Variants in RIPOR2 observed in about 807,000 individuals in gnomAD.
RIPOR2 encodes the protein RHO family interacting cell polarization regulator 2, also known as rho family-interacting cell polarization regulator 2.
A neutral mutation model predicts 114.5 loss-of-function variants in RIPOR2; 39 were observed. The observed-to-expected ratio is 0.34, with a 90% CI of 0.26 to 0.44. The LOEUF is 0.44. RIPOR2 is among the 20% of genes least tolerant of loss of function. RIPOR2 has a pLI of 1.00. For missense variants in RIPOR2, 1,007 were observed against 1,255.1 expected (o/e 0.80, Z 2.99); for synonymous variants, 445 against 484.4 (o/e 0.92, Z 1.07).
intron 6 of RIPOR2, among the ~76,000 whole-genome samples, chr6:24,865,728 G>T (rs1410569326): frequency 6.6e-6 from 1 of 152,196 alleles, no homozygotes; most frequent in East Asian, 1.9e-4. Context: ...TGTTTAAAAT[G>T]ACTCCCAGGT....
rs147642031 is a variant in RIPOR2, at chr6:24,933,436, T to C, written c.61+2402A>G. 6.4e-4 allele frequency among the ~76,000 whole-genome samples: 97 copies of C among 152,330 alleles called. 1 individual carries two copies. In the South Asian group the frequency reaches 0.016, roughly 25 times the overall value. On this transcript the variant is annotated intron_variant, in intron 1 of 21. Coordinates refer to ENST00000643898, the MANE Select transcript of RIPOR2 (RefSeq NM_001286445.3). The stretch of plus-strand genomic sequence containing the variant: ...CGTGCAATTCCAGAGCTGAAGCTTT[T>C]GACTGTTACCCCACACAGAGCTTGC...
intron 15 of RIPOR2, among the ~76,000 whole-genome samples, chr6:24,833,930 A>T (rs1487476745): frequency 6.6e-6 from 1 of 152,212 alleles, no homozygotes. Flanking sequence ...GAATTCTCTT[A>T]TGTCTCACAA....
chr6:24,887,423 A>C (rs1315250545), intron 1 of RIPOR2, among the ~76,000 whole-genome samples: 1 of 152,224 alleles, frequency 6.6e-6, no homozygotes, highest in Non-Finnish European at 1.5e-5. Flanking sequence ...TAAGTCACCA[A>C]GGGTGTTTTG....
intron 16 of RIPOR2, 147 bp downstream of exon 16, chr6:24,832,109 C>T: frequency 1.3e-6 from 1 of 768,030 alleles, no homozygotes; most frequent in East Asian, 2.8e-5. Context: ...CATTAATGAG[C>T]CCAATTTGTT....
intron 1 of RIPOR2, among the ~76,000 whole-genome samples, chr6:25,020,467 T>G (rs1336624287): frequency 2.0e-5 from 3 of 152,246 alleles, no homozygotes; most frequent in Non-Finnish European, 4.4e-5. Flanking sequence ...TAAGTCAATG[T>G]GATATTCATC....
At chr6:24,946,440 C>G (rs1230482871) in intron 1 of RIPOR2, among the ~76,000 whole-genome samples, 1 of 151,948 alleles carries the variant, frequency 6.6e-6, no homozygotes, top group East Asian at 1.9e-4. Flanking sequence ...CATTGGAAAC[C>G]TTGTATCCTG....
intron 1 of RIPOR2, among the ~76,000 whole-genome samples, chr6:24,968,212 C>T (rs986419952): frequency 6.6e-6 from 1 of 152,116 alleles, no homozygotes; most frequent in African/African-American, 2.4e-5. Flanking sequence ...AGCCAAGACA[C>T]CAATCTTATA....
At chr6:24,837,415 C>T (rs1408204755) in intron 14 of RIPOR2, among the ~76,000 whole-genome samples, 2 of 150,904 alleles carry the variant, frequency 1.3e-5, no homozygotes, top group Admixed American at 1.3e-4. Context: ...CCACCACTCC[C>T]GGCCTTATTT....
intron 19 of RIPOR2, among the ~76,000 whole-genome samples, chr6:24,820,246 T>A (rs1031395612): frequency 2.2e-4 from 33 of 152,236 alleles, no homozygotes; most frequent in African/African-American, 7.9e-4. Flanking sequence ...TTGGCCAGGC[T>A]GATCTCAAAC....
intron 1 of RIPOR2, among the ~76,000 whole-genome samples, chr6:24,930,694 A>G (rs1771320504): frequency 6.6e-6 from 1 of 152,232 alleles, no homozygotes; most frequent in East Asian, 1.9e-4. Flanking sequence ...ACCCTGGGAC[A>G]AATAAAGTAG....
rs915823414 is a variant in RIPOR2 at position 24,925,425 on chromosome 6, T to A, written c.61+10413A>T. 2.0e-5 allele frequency among the ~76,000 whole-genome samples: 3 copies of A among 152,144 alleles called. No homozygotes were observed. The South Asian group carries it at 6.2e-4, about 31-fold the overall frequency. On this transcript the variant is annotated intron_variant, in intron 1 of 21. Coordinates refer to ENST00000643898, the MANE Select transcript of RIPOR2 (RefSeq NM_001286445.3). ...AAGTGTAGAGAATTTAGGTTCAGGC[T>A]GGGCGCGGTGGGTCATGCCTGTAAT... is the stretch of plus-strand genomic sequence containing the variant.
intron 1 of RIPOR2, among the ~76,000 whole-genome samples, chr6:25,031,738 T>TCC (rs1776973923): frequency 1.1e-4 from 9 of 84,674 alleles, no homozygotes; most frequent in Non-Finnish European, 1.7e-4. Context: ...TATATATATA[T>TCC]ATATATATAT....
chr6:25,007,996 A>G (rs1311262962), intron 1 of RIPOR2, among the ~76,000 whole-genome samples: 1 of 152,184 alleles, frequency 6.6e-6, no homozygotes, highest in Non-Finnish European at 1.5e-5. Context: ...TGAAAATGTC[A>G]AATGGAACTG....
chr6:24,915,157 G>A (rs1224886838), intron 1 of RIPOR2, among the ~76,000 whole-genome samples: 2 of 152,086 alleles, frequency 1.3e-5, no homozygotes, highest in African/African-American at 2.4e-5. Context: ...TAACAGCCTT[G>A]AAGGTCTTTA....
intron 1 of RIPOR2, among the ~76,000 whole-genome samples, chr6:25,012,657 T>C (rs1429927355): frequency 6.6e-6 from 1 of 152,228 alleles, no homozygotes; most frequent in Non-Finnish European, 1.5e-5. Flanking sequence ...ATCCTATTTA[T>C]ATAAAATATC....
At chr6:24,945,840 A>T (rs1772376583) in intron 1 of RIPOR2, among the ~76,000 whole-genome samples, 1 of 152,082 alleles carries the variant, frequency 6.6e-6, no homozygotes, top group Non-Finnish European at 1.5e-5. Context: ...TCTATAAAAA[A>T]TTTCTTTTAT....
intron 1 of RIPOR2, among the ~76,000 whole-genome samples, chr6:25,005,740 T>TATATATATACACAC (rs1491374316): frequency 9.6e-6 from 1 of 104,510 alleles, no homozygotes; most frequent in Non-Finnish European, 2.0e-5. Context: ...TATATATATA[T>TATATATATACACAC]ACATTTACCG....
chr6:24,847,213 A>G (rs1762399416), intron 12 of RIPOR2, among the ~76,000 whole-genome samples: 1 of 152,206 alleles, frequency 6.6e-6, no homozygotes, highest in Non-Finnish European at 1.5e-5. Context: ...TCAGCCTCCC[A>G]AAGTGCTGGG....
At chr6:24,889,994 C>T (rs578196182) in intron 1 of RIPOR2, among the ~76,000 whole-genome samples, 2 of 152,060 alleles carry the variant, frequency 1.3e-5, no homozygotes, top group African/African-American at 2.4e-5. Flanking sequence ...CGGGTTCAAG[C>T]GATTCTCCTG....
Sources: gnomAD v4.1 joint callset for allele counts (sites outside exome capture counted in the v4.1 genomes callset) on GRCh38, gnomAD v4.1.1 for gene constraint, MANE v1.5 for transcripts, NCBI Gene and HGNC (gene_info 2026-07-23, HGNC 2026-07-21) for gene names.